The following NRXN3 variants were observed in gnomAD, a reference collection of about 807,000 sequenced individuals.
NRXN3 encodes the protein neurexin 3, also known as neurexin III.
Under a neutral mutation model 137.6 loss-of-function variants are expected in NRXN3, and 32 were observed. That is an observed-to-expected ratio of 0.23 (90% CI 0.18 to 0.31). The LOEUF is 0.31. NRXN3 is among the 10% of genes least tolerant of loss of function. The probability of loss-of-function intolerance (pLI) is 1.00; values close to 1 mark genes in which losing one functional copy is unlikely to be tolerated. For synonymous variants in NRXN3, 798 were observed against 784.5 expected (o/e 1.02, Z -0.29); for missense variants, 1,574 against 2,062.5 (o/e 0.76, Z 4.59).
chr14:78,172,516 G>T (rs990672460), intron 1 of NRXN3, among the ~76,000 whole-genome samples: 1 of 152,122 alleles, frequency 6.6e-6, no homozygotes, highest in Non-Finnish European at 1.5e-5. Context: ...TGGGGCAAAC[G>T]ATATTTCAGA....
chr14:78,234,203 C>T (rs959454944), intron 1 of NRXN3, among the ~76,000 whole-genome samples: 1 of 152,182 alleles, frequency 6.6e-6, no homozygotes, highest in Admixed American at 6.5e-5. Context: ...TTATAAATTA[C>T]CCAGTCTCAG....
rs114435882 is a variant in NRXN3 at position 78,298,725 on chromosome 14, C to T, written c.757+865C>T. On this transcript the variant is annotated intron_variant, in intron 4 of 20. Coordinates refer to ENST00000335750, the MANE Select transcript of NRXN3 (RefSeq NM_001330195.2). ...TTGGGATGATTGCAAGATTGGTCTA[C>T]CTGCCTTGCCCTGTAACCAAAAGTC... 2.1e-3 allele frequency among the ~76,000 whole-genome samples: 324 copies of T among 152,328 alleles called. 2 individuals are homozygous for T. Among genetic ancestry groups the T allele is most frequent in the African/African-American group, 7.2e-3 (299 of 41,564 alleles).
intron 10 of NRXN3, among the ~76,000 whole-genome samples, chr14:78,863,285 G>T (rs961740189): frequency 6.6e-6 from 1 of 152,172 alleles, no homozygotes; most frequent in African/African-American, 2.4e-5. Flanking sequence ...ATTAGTATGA[G>T]ATTTTGAGGT....
chr14:79,847,492 T>C (rs1000860194), intron 20 of NRXN3, among the ~76,000 whole-genome samples: 12 of 152,200 alleles, frequency 7.9e-5, no homozygotes, highest in Non-Finnish European at 1.6e-4. Flanking sequence ...ACAAGTCACT[T>C]GTCCCCCATG....
intron 16 of NRXN3, among the ~76,000 whole-genome samples, chr14:79,604,055 A>AT (rs1017940876): frequency 4.7e-5 from 7 of 149,496 alleles, no homozygotes; most frequent in South Asian, 2.1e-4. Context: ...GCCCAGATAA[A>AT]TTTTTTTTTG....
At chr14:78,745,383 T>C (rs2098602380) in intron 8 of NRXN3, 1 of 152,380 alleles carries the variant, frequency 6.6e-6, no homozygotes, top group African/African-American at 2.4e-5. Context: ...TCACCCCTCA[T>C]CTTCCACGGC....
chr14:79,592,712 A>T (rs1207754830), intron 16 of NRXN3, among the ~76,000 whole-genome samples: 1 of 152,216 alleles, frequency 6.6e-6, no homozygotes, highest in African/African-American at 2.4e-5. Flanking sequence ...AAACAATTTG[A>T]CTGAGACTTG....
intron 16 of NRXN3, among the ~76,000 whole-genome samples, chr14:79,540,092 C>A (rs984002678): frequency 1.3e-5 from 2 of 152,072 alleles, no homozygotes; most frequent in African/African-American, 4.8e-5. Context: ...TCTATTCAGG[C>A]TTCTGGCAAT....
At chr14:78,385,855 A>T (rs1348252365) in intron 4 of NRXN3, among the ~76,000 whole-genome samples, 2 of 152,160 alleles carry the variant, frequency 1.3e-5, no homozygotes, top group Non-Finnish European at 2.9e-5. Context: ...GCACTTGGTA[A>T]ATGCTACGAG....
At chr14:79,712,432 A>AAAAC (rs779541361) in intron 19 of NRXN3, among the ~76,000 whole-genome samples, 8 of 152,240 alleles carry the variant, frequency 5.3e-5, no homozygotes, top group Non-Finnish European at 1.0e-4. Context: ...TCGCCTATTG[A>AAAAC]AAACAATGTA....
chr14:79,120,929 C>T (rs1012061177), intron 15 of NRXN3, among the ~76,000 whole-genome samples: 1 of 152,068 alleles, frequency 6.6e-6, no homozygotes, highest in Non-Finnish European at 1.5e-5. Flanking sequence ...TCTAAGTAAT[C>T]TTATTGTATC....
At chr14:78,975,743 A>G (rs898879050) in intron 14 of NRXN3, among the ~76,000 whole-genome samples, 6 of 152,284 alleles carry the variant, frequency 3.9e-5, no homozygotes, top group South Asian at 2.1e-4. Context: ...AACCTCAAAG[A>G]GCAAGAAAGA....
At chr14:79,824,161 C>CA (rs1445180248) in intron 20 of NRXN3, among the ~76,000 whole-genome samples, 3 of 152,166 alleles carry the variant, frequency 2.0e-5, no homozygotes. Context: ...CAGTTGCAGA[C>CA]AAGTAATTTA....
chr14:78,644,162 AAAG>A (rs2097663765), intron 4 of NRXN3, among the ~76,000 whole-genome samples: 1 of 151,744 alleles, frequency 6.6e-6, no homozygotes. Flanking sequence ...AAGGAAATAA[AAAG>A]AAGAAGAAGA....
At chr14:78,653,011 G>T (rs1330699325) in intron 6 of NRXN3, among the ~76,000 whole-genome samples, 7 of 152,172 alleles carry the variant, frequency 4.6e-5, no homozygotes, top group Non-Finnish European at 7.3e-5. Context: ...TGACATTTGA[G>T]GCAGTCCTTG....
chr14:79,386,081 A>G (rs1166804476), intron 15 of NRXN3, among the ~76,000 whole-genome samples: 3 of 152,148 alleles, frequency 2.0e-5, no homozygotes, highest in East Asian at 3.9e-4. Flanking sequence ...CCTATTCAAC[A>G]TGGTGTTGGA....
At chr14:79,259,600 T>C (rs1036808542) in intron 15 of NRXN3, among the ~76,000 whole-genome samples, 1 of 148,170 alleles carries the variant, frequency 6.7e-6, no homozygotes, top group African/African-American at 2.5e-5. Context: ...GAGTTATATA[T>C]ATATAGCTAT....
chr14:79,314,439 T>C (rs1243764383), intron 15 of NRXN3, among the ~76,000 whole-genome samples: 1 of 26,364 alleles, frequency 3.8e-5, no homozygotes, highest in Non-Finnish European at 7.8e-5. Context: ...CGCTGATTGC[T>C]AGCACAGCAG....
intron 4 of NRXN3, among the ~76,000 whole-genome samples, chr14:78,523,332 A>G (rs1428053123): frequency 3.3e-5 from 5 of 152,182 alleles, no homozygotes; most frequent in Non-Finnish European, 7.3e-5. Context: ...ATGCCAAAGG[A>G]GAAATTAGTG....
Sources: gnomAD v4.1 joint callset for allele counts (sites outside exome capture counted in the v4.1 genomes callset) on GRCh38, gnomAD v4.1.1 for gene constraint, MANE v1.5 for transcripts, NCBI Gene and HGNC (gene_info 2026-07-23, HGNC 2026-07-21) for gene names.